PI4KB: variants seen among roughly 807,000 people sequenced by gnomAD.
The protein encoded by PI4KB is PtdIns 4-kinase beta.
In PI4KB, 23 loss-of-function variants were observed where a neutral mutation model predicts 81.4. The ratio of observed to expected loss-of-function variants is 0.28; its 90% CI spans 0.20 to 0.40. The LOEUF is 0.40. PI4KB is among the 10% of genes least tolerant of loss of function. The pLI is 1.00. For missense variants in PI4KB, 651 were observed against 1,036.6 expected (o/e 0.63, Z 5.11); for synonymous variants, 381 against 406.8 (o/e 0.94, Z 0.76).
rs1442686330 is a variant in PI4KB, at chr1:151,324,294, A to G, written c.-29+2977T>C. ...ATTTTTAAAGAGAGGTTGCTCCTCA[A>G]AAGAGACTCCATATCATCTTTGACT... On this transcript the variant is annotated intron_variant, in intron 1 of 11. Transcript: ENST00000368873. Among the ~76,000 whole-genome samples the G allele has an allele frequency of 2.6e-5, 4 of 152,206 alleles. No individual in the cohort carries two copies. In the East Asian group the frequency reaches 5.8e-4, roughly 22 times the overall value.
intron 8 of PI4KB, 109 bp from the exon 9 acceptor site, chr1:151,299,182 A>T: frequency 2.0e-6 from 2 of 1,009,330 alleles, no homozygotes; most frequent in Non-Finnish European, 3.0e-6. Flanking sequence ...ATTGAATTCT[A>T]AGCCATCAAA....
intron 9 of PI4KB, among the ~76,000 whole-genome samples, chr1:151,296,112 G>T (rs1478979942): frequency 1.3e-5 from 2 of 152,132 alleles, no homozygotes; most frequent in Non-Finnish European, 2.9e-5. Flanking sequence ...TGGGCGTGGT[G>T]GCGCATGCCT....
Position 151,327,267 on chromosome 1 carries a change from T to G in PI4KB, c.-29+4A>C. On this transcript the variant is annotated splice_donor_region_variant and intron_variant, in intron 1 of 11. Coordinates refer to ENST00000368873, the MANE Select transcript of PI4KB (RefSeq NM_001369623.2). ...AGGTGACTCATGAAGGAGGAGTAGC[T>G]TACCTCTGGGGGACCCCCGCGGAGG... The G allele has an allele frequency of 8.1e-6, 1 of 122,900 alleles. No homozygotes were observed. The highest frequency in any genetic ancestry group is 2.7e-4 in the East Asian group (1 of 3,674). 7.6% of individuals were successfully genotyped at this position (122,900 alleles called of 1,614,324 possible).
Position 151,315,939 on chromosome 1 carries a change from G to T in PI4KB, c.543C>A (p.Asn181Lys). 1 of 1,613,414 alleles carries T rather than the reference G, an allele frequency of 6.2e-7. No homozygotes were observed. Among genetic ancestry groups the T allele is most frequent in the Non-Finnish European group, 8.5e-7 (1 of 1,179,492 alleles). ...DVDFYLPQLL[N>K]MYIHMDEDVG... ...CGTCCTCATCCATGTGGATGTACATGTTAAGCAACTGGGGCAGATAGAAGT... is the reference window on the plus strand; with the variant it reads ...CGTCCTCATCCATGTGGATGTACATTTTAAGCAACTGGGGCAGATAGAAGT... Residue 181 changes from asparagine to lysine, a missense_variant, in exon 2 of 12, where the codon AAC (asparagine) becomes AAA (lysine). Transcript: ENST00000368873.
chr1:151,305,810 T>A (rs1571172204), intron 5 of PI4KB, among the ~76,000 whole-genome samples: 1 of 152,254 alleles, frequency 6.6e-6, no homozygotes, highest in South Asian at 2.1e-4. Context: ...TGAATTAATG[T>A]ATGACTTCTC....
chr1:151,323,476 A>G (rs1649144841), intron 1 of PI4KB, among the ~76,000 whole-genome samples: 1 of 151,326 alleles, frequency 6.6e-6, no homozygotes, highest in African/African-American at 2.4e-5. Context: ...TAATCCCAGC[A>G]CTCTGGGAGG....
rs754403162 is a variant in PI4KB, at chr1:151,307,703, C to T, written c.1053G>A (p.Arg351=). The stretch of plus-strand genomic sequence containing the variant: ...TGAGCAGGGAGAGCTCTGAGATCAG[C>T]CTCTGTGTTTTCTGCTCTTTGGTGG... ...TLPTKEQKTQ[R]LISELSLLNH... Residue 351 remains arginine (R), a synonymous_variant, in exon 4 of 12, where the codon AGG becomes AGA. Transcript: ENST00000368873. The T allele has an allele frequency of 2.5e-6, 4 of 1,614,146 alleles. No homozygotes were observed. In the Admixed American group the frequency reaches 6.7e-5, roughly 27 times the overall value.
chr1:151,323,210 T>G (rs929944607), intron 1 of PI4KB, among the ~76,000 whole-genome samples: 1 of 152,114 alleles, frequency 6.6e-6, no homozygotes, highest in African/African-American at 2.4e-5. Flanking sequence ...AGTAAAGAAA[T>G]AGAGGAACAA....
chr1:151,317,848 G>A (rs1648202435), intron 1 of PI4KB, among the ~76,000 whole-genome samples: 1 of 151,872 alleles, frequency 6.6e-6, no homozygotes, highest in South Asian at 2.1e-4. Context: ...TTGCTCTGTT[G>A]CCCAGGCTGG....
intron 1 of PI4KB, chr1:151,326,522 G>T: frequency 2.8e-6 from 1 of 357,666 alleles, no homozygotes; most frequent in Non-Finnish European, 5.0e-6. Flanking sequence ...GAAGGGCACT[G>T]TCAAATCTCT....
intron 2 of PI4KB, among the ~76,000 whole-genome samples, chr1:151,312,236 A>G (rs1221860478): frequency 6.6e-6 from 1 of 152,244 alleles, no homozygotes; most frequent in Admixed American, 6.5e-5. Context: ...AGAACTGTAC[A>G]TGCTGCCCCT....
chr1:151,307,430 G>A, intron 4 of PI4KB, 144 bp downstream of exon 4: 1 of 622,462 alleles, frequency 1.6e-6, no homozygotes, highest in Non-Finnish European at 2.9e-6. Flanking sequence ...CACTGAGACA[G>A]AGTCATGGTT....
intron 2 of PI4KB, among the ~76,000 whole-genome samples, chr1:151,314,293 CT>C (rs1647576427): frequency 6.6e-6 from 1 of 152,152 alleles, no homozygotes; most frequent in South Asian, 2.1e-4. Flanking sequence ...TTTTCTCCCT[CT>C]TTTCTAGGCT....
In PI4KB at chr1:151,321,655, C is replaced by T. The variant is rs183306226; in HGVS notation, c.-28-5146G>A. On this transcript the variant is annotated intron_variant, in intron 1 of 11. Transcript: ENST00000368873. ...TTGGGAGGCTGAGGAGGGCAGATCA[C>T]GAGGTCAGGAGATGGAGACCATCCT... 1.3e-3 allele frequency among the ~76,000 whole-genome samples: 204 copies of T among 151,902 alleles called. 2 individuals carry two copies. Among genetic ancestry groups the T allele is most frequent in the African/African-American group, 4.7e-3 (196 of 41,488 alleles).
At position 151,327,320 on chromosome 1, in the gene PI4KB, C is replaced by A. The variant is rs1411933115; in HGVS notation, c.-78G>T. The stretch of plus-strand genomic sequence containing the variant: ...GTGCGGGCAGTCGCGGTTGGACTGC[C>A]GACACTGCCGCCTCAGCAGCAGCGA... On this transcript the variant is annotated 5_prime_UTR_variant, in exon 1 of 12. Coordinates refer to ENST00000368873, the MANE Select transcript of PI4KB (RefSeq NM_001369623.2). 5.3e-6 allele frequency: 2 copies of A among 374,038 alleles called. No homozygotes were observed. The highest frequency in any genetic ancestry group is 9.4e-6 in the Non-Finnish European group (2 of 211,982). The allele number at this position is 374,038 out of a possible 1,614,324, so 23.2% of individuals were successfully genotyped here.
At chr1:151,293,931 C>T (rs779746821) in intron 11 of PI4KB, 87 bp downstream of exon 11, 15 of 1,482,512 alleles carry the variant, frequency 1.0e-5, no homozygotes, top group Middle Eastern at 3.5e-4. Flanking sequence ...AACCGAGTCT[C>T]GTGGGATCAG....
intron 11 of PI4KB, chr1:151,293,288 G>A: frequency 1.4e-6 from 2 of 1,389,056 alleles, no homozygotes; most frequent in African/African-American, 1.5e-5. Flanking sequence ...ATCTCCCTCA[G>A]TAAGGGTGGA....
intron 8 of PI4KB, among the ~76,000 whole-genome samples, 171 bp from the exon 9 acceptor site, chr1:151,299,244 CTA>C (rs1695049303): frequency 6.6e-6 from 1 of 151,956 alleles, no homozygotes; most frequent in Admixed American, 6.6e-5. Context: ...GAAAGGAAGT[CTA>C]GGGCCTGACA....
At chr1:151,326,770 G>T (rs892002075) in intron 1 of PI4KB, among the ~76,000 whole-genome samples, 3 of 152,178 alleles carry the variant, frequency 2.0e-5, no homozygotes, top group African/African-American at 7.2e-5. Flanking sequence ...TGAGGTAATG[G>T]AATCAGAAGC....
Sources: gnomAD v4.1 joint callset for allele counts (sites outside exome capture counted in the v4.1 genomes callset) on GRCh38, gnomAD v4.1.1 for gene constraint, MANE v1.5 for transcripts, NCBI Gene and HGNC (gene_info 2026-07-23, HGNC 2026-07-21) for gene names.